The following CAMTA1 variants were observed in gnomAD, a reference collection of about 807,000 sequenced individuals.
CAMTA1 encodes calmodulin-binding transcription activator 1.
Under a neutral mutation model 170.9 loss-of-function variants are expected in CAMTA1, and 27 were observed. The observed-to-expected ratio is 0.16, with a 90% CI of 0.12 to 0.22. CAMTA1 has a LOEUF of 0.22. Ranked by LOEUF, CAMTA1 falls within the 10% of genes least tolerant of loss-of-function variation. The probability of loss-of-function intolerance (pLI) is 1.00; values close to 1 mark genes in which losing one functional copy is unlikely to be tolerated. For synonymous variants in CAMTA1, 833 were observed against 891.5 expected (o/e 0.93, Z 1.17); for missense variants, 1,619 against 2,217.2 (o/e 0.73, Z 5.42).
At chr1:7,505,014 C>T (rs2094079016) in intron 6 of CAMTA1, among the ~76,000 whole-genome samples, 3 of 151,718 alleles carry the variant, frequency 2.0e-5, no homozygotes, top group Non-Finnish European at 4.4e-5. Flanking sequence ...CCTTCACGGG[C>T]GGACATGGCA....
intron 4 of CAMTA1, among the ~76,000 whole-genome samples, chr1:7,240,978 A>C (rs1157584603): frequency 6.6e-6 from 1 of 152,234 alleles, no homozygotes; most frequent in Non-Finnish European, 1.5e-5. Context: ...AAGAGAAAGA[A>C]AAGCATCCAC....
Position 7,708,003 on chromosome 1 carries a change from T to G in CAMTA1, c.2915-24445T>G, listed in dbSNP as rs2096539817. Among the ~76,000 whole-genome samples, 3 of 152,172 alleles carry G rather than the reference T, an allele frequency of 2.0e-5. No individual in the cohort carries two copies. In the South Asian group the frequency reaches 6.2e-4, roughly 32 times the overall value. The stretch of plus-strand genomic sequence containing the variant: ...CACAGGCAGTACAGCAAGTGACTCA[T>G]TAAAACCATGATATGATACCTTGTG... On this transcript the variant is annotated intron_variant, in intron 11 of 22. Coordinates refer to ENST00000303635, the MANE Select transcript of CAMTA1 (RefSeq NM_015215.4).
In CAMTA1 at chr1:7,234,748, T is replaced by C. The variant is rs59629363; in HGVS notation, c.303-14743T>C. 0.028 allele frequency among the ~76,000 whole-genome samples: 4,230 copies of C among 151,420 alleles called. 190 individuals carry two copies. Among genetic ancestry groups the C allele is most frequent in the African/African-American group, 0.096 (3,980 of 41,256 alleles). ...AGAGACAATTTATGTGAACAAACTG[T>C]GGCTTAACGATCTTGGGAAATTGGA... On this transcript the variant is annotated intron_variant, in intron 4 of 22. Coordinates refer to ENST00000303635, the MANE Select transcript of CAMTA1 (RefSeq NM_015215.4). This position sits in a 1 kb window ranked among gnomAD's most constrained non-coding sequence, Gnocchi z 5.0.
chr1:7,513,635 G>A (rs1387569942), intron 6 of CAMTA1, among the ~76,000 whole-genome samples: 1 of 152,070 alleles, frequency 6.6e-6, no homozygotes, highest in African/African-American at 2.4e-5. Flanking sequence ...CAAAACACCG[G>A]TTACAGGCTG....
intron 4 of CAMTA1, among the ~76,000 whole-genome samples, chr1:7,157,731 A>G (rs1646977397): frequency 6.6e-6 from 1 of 152,152 alleles, no homozygotes; most frequent in Admixed American, 6.5e-5. Flanking sequence ...TCACAAAAAG[A>G]CTTGTATGAG....
chr1:7,255,209 C>T (rs542468299), intron 5 of CAMTA1, among the ~76,000 whole-genome samples: 3 of 151,958 alleles, frequency 2.0e-5, no homozygotes, highest in South Asian at 2.1e-4. Context: ...ATGGGTGCAG[C>T]GAACCACTGT....
intron 5 of CAMTA1, among the ~76,000 whole-genome samples, chr1:7,444,443 G>A (rs2092628963): frequency 6.6e-6 from 1 of 152,250 alleles, no homozygotes; most frequent in Non-Finnish European, 1.5e-5. Flanking sequence ...AGCTTGGGCT[G>A]CAGTACGTGG....
chr1:7,618,224 A>G (rs1004159035), intron 6 of CAMTA1, among the ~76,000 whole-genome samples: 2 of 152,062 alleles, frequency 1.3e-5, no homozygotes, highest in Admixed American at 6.5e-5. Flanking sequence ...CCATATCTCT[A>G]GTGCCTGTAA....
intron 10 of CAMTA1, among the ~76,000 whole-genome samples, chr1:7,672,650 G>A (rs112990768): frequency 0.016 from 2,503 of 152,176 alleles, 37 homozygotes; most frequent in Middle Eastern, 0.037. Flanking sequence ...TCGAACTCCT[G>A]ACGCAAGTGA....
chr1:7,677,014 C>T (rs773251327), intron 10 of CAMTA1, among the ~76,000 whole-genome samples: 2 of 152,132 alleles, frequency 1.3e-5, no homozygotes, highest in Non-Finnish European at 2.9e-5. Flanking sequence ...GGAGGTGCAA[C>T]CTTCACATCA....
At chr1:6,954,532 T>G (rs988384486) in intron 3 of CAMTA1, among the ~76,000 whole-genome samples, 2 of 152,238 alleles carry the variant, frequency 1.3e-5, no homozygotes, top group Non-Finnish European at 2.9e-5. Flanking sequence ...GAGTTTTCCT[T>G]TGCAGAATAG....
Position 7,325,767 on chromosome 1 carries a change from C to T in CAMTA1, c.438+76141C>T, listed in dbSNP as rs945698763. Among the ~76,000 whole-genome samples, 12 of 152,134 alleles carry T rather than the reference C, an allele frequency of 7.9e-5. No homozygotes were observed. Among genetic ancestry groups the T allele is most frequent in the Admixed American group, 7.9e-4 (12 of 15,280 alleles). Reference sequence around the variant, plus strand: ...TGTGGACATACTGCATTTGAGATGCCTCAAAAATTCAGAGGGGCCACTGGA... The same window carrying T: ...TGTGGACATACTGCATTTGAGATGCTTCAAAAATTCAGAGGGGCCACTGGA... On this transcript the variant is annotated intron_variant, in intron 5 of 22. Coordinates refer to ENST00000303635, the MANE Select transcript of CAMTA1 (RefSeq NM_015215.4). This position sits in a 1 kb window ranked among gnomAD's most constrained non-coding sequence, Gnocchi z 5.0.
Position 7,616,219 on chromosome 1 carries a change from G to A in CAMTA1, c.511-24181G>A, listed in dbSNP as rs776222648. Among the ~76,000 whole-genome samples, 44 of 152,236 alleles carry A rather than the reference G, an allele frequency of 2.9e-4. 1 individual carries two copies. Among genetic ancestry groups the A allele is most frequent in the Non-Finnish European group, 5.3e-4 (36 of 68,048 alleles). ...AAACCAAAACAGCAGCCTATTAGAG[G>A]TGCCATTGCACAAACGGAATTCAAA... On this transcript the variant is annotated intron_variant, in intron 6 of 22. Coordinates refer to ENST00000303635, the MANE Select transcript of CAMTA1 (RefSeq NM_015215.4).
In CAMTA1 at chr1:7,367,254, G is replaced by A. The variant is rs116976757; in HGVS notation, c.439-100576G>A. 5.4e-4 allele frequency among the ~76,000 whole-genome samples: 82 copies of A among 152,316 alleles called. No homozygotes were observed. The East Asian group carries it at 0.015, about 28-fold the overall frequency. Reference sequence around the variant, plus strand: ...TCAGAGAGTAATTATTTCTTTCAGAGCGAAAGGTCCAATTTGCTGTAAAGA... The same window carrying A: ...TCAGAGAGTAATTATTTCTTTCAGAACGAAAGGTCCAATTTGCTGTAAAGA... On this transcript the variant is annotated intron_variant, in intron 5 of 22. Coordinates refer to ENST00000303635, the MANE Select transcript of CAMTA1 (RefSeq NM_015215.4).
chr1:6,804,929 T>G (rs1644345159), intron 1 of CAMTA1, among the ~76,000 whole-genome samples: 1 of 152,228 alleles, frequency 6.6e-6, no homozygotes, highest in Admixed American at 6.5e-5. Flanking sequence ...CATTCACCAG[T>G]TAATAGACAT....
chr1:7,075,954 C>T (rs191381630), intron 3 of CAMTA1, among the ~76,000 whole-genome samples: 53 of 152,280 alleles, frequency 3.5e-4, no homozygotes, highest in African/African-American at 1.1e-3. Flanking sequence ...TAAACCACCA[C>T]GCCCGGCCCA....
chr1:7,712,139 G>A (rs1029020441), intron 11 of CAMTA1, among the ~76,000 whole-genome samples: 3 of 152,088 alleles, frequency 2.0e-5, no homozygotes, highest in Non-Finnish European at 4.4e-5. Context: ...CTTAAATAAG[G>A]AAATATATAA....
intron 5 of CAMTA1, among the ~76,000 whole-genome samples, chr1:7,318,436 T>C (rs1677870679): frequency 6.6e-6 from 1 of 152,204 alleles, no homozygotes; most frequent in South Asian, 2.1e-4. Flanking sequence ...CCAGTGAGTT[T>C]CACAGCCATT....
chr1:7,704,324 G>C (rs1313951978), intron 11 of CAMTA1, among the ~76,000 whole-genome samples: 1 of 145,650 alleles, frequency 6.9e-6, no homozygotes, highest in African/African-American at 2.5e-5. Context: ...GGGGCTCCGG[G>C]GGCCGTCGGC....
Sources: gnomAD v4.1 joint callset for allele counts (sites outside exome capture counted in the v4.1 genomes callset) on GRCh38, gnomAD v4.1.1 for gene constraint, Gnocchi (gnomAD v3.1) non-coding constraint, MANE v1.5 for transcripts, NCBI Gene and HGNC (gene_info 2026-07-23, HGNC 2026-07-21) for gene names.